DTX1: variants seen among roughly 807,000 people sequenced by gnomAD.
DTX1 encodes the protein E3 ubiquitin-protein ligase DTX1.
A neutral mutation model predicts 57.8 loss-of-function variants in DTX1; 26 were observed. The observed-to-expected ratio is 0.45, with a 90% CI of 0.33 to 0.62. The LOEUF (loss-of-function observed/expected upper bound fraction) is 0.62, where lower values mean the gene tolerates loss of function less well. Ranked by LOEUF, DTX1 falls within the 20% of genes least tolerant of loss-of-function variation. The pLI is 0.02. For synonymous variants in DTX1, 398 were observed against 394.1 expected, an observed-to-expected ratio of 1.01 and a Z score of -0.12; for missense variants, 704 against 895.3, an observed-to-expected ratio of 0.79 and a Z score of 2.73.
At chr12:113,096,450 AAAAAAAAAAAAAGAAAAAG>A (rs1950294720) in intron 9 of DTX1, among the ~76,000 whole-genome samples, 1 of 149,302 alleles carries the variant, frequency 6.7e-6, no homozygotes, top group Non-Finnish European at 1.5e-5. Flanking sequence ...AAAAAAAAAA[AAAAAAAAAAAAAGAAAAAG>A]AAAAAAAAGA....
intron 3 of DTX1, chr12:113,089,751 C>A (rs1190571522): frequency 2.6e-5 from 4 of 152,240 alleles, no homozygotes; most frequent in Non-Finnish European, 5.9e-5. Context: ...CACAGTGACA[C>A]CCCACTCACA....
chr12:113,082,657 G>A lies in DTX1; in HGVS notation c.941+4552G>A, dbSNP rs547670931. 9.9e-5 allele frequency among the ~76,000 whole-genome samples: 15 copies of A among 152,184 alleles called. No individual in the cohort carries two copies. The East Asian group carries it at 1.7e-3, about 18-fold the overall frequency. Reference sequence around the variant, plus strand: ...ATTGCCCAGGCTGGAGTACAGTGGCGCAATCACAGCTCCTGGCAGCCTGAA... The same window carrying A: ...ATTGCCCAGGCTGGAGTACAGTGGCACAATCACAGCTCCTGGCAGCCTGAA... On this transcript the variant is annotated intron_variant, in intron 3 of 9. Coordinates refer to ENST00000548759, the MANE Select transcript of DTX1 (RefSeq NM_004416.3).
chr12:113,080,484 C>G (rs1423806065), intron 3 of DTX1, among the ~76,000 whole-genome samples: 1 of 151,954 alleles, frequency 6.6e-6, no homozygotes, highest in Non-Finnish European at 1.5e-5. Flanking sequence ...AATTTGAGAA[C>G]CTTCTCTCTG....
chr12:113,064,147 C>T (rs968820594), intron 2 of DTX1, among the ~76,000 whole-genome samples: 3 of 152,200 alleles, frequency 2.0e-5, no homozygotes, highest in African/African-American at 7.2e-5. Context: ...TTACAGGACC[C>T]TTTGGGACCC....
intron 2 of DTX1, among the ~76,000 whole-genome samples, chr12:113,076,231 G>A (rs2044771366): frequency 6.6e-6 from 1 of 152,028 alleles, no homozygotes; most frequent in Non-Finnish European, 1.5e-5. Flanking sequence ...GGCTGAGGTG[G>A]GTGGATCACC....
At chr12:113,078,528 G>A (rs1211499282) in intron 3 of DTX1, among the ~76,000 whole-genome samples, 1 of 152,204 alleles carries the variant, frequency 6.6e-6, no homozygotes, top group East Asian at 1.9e-4. Context: ...GGAAACCGAG[G>A]CTAGGAGAGC....
intron 2 of DTX1, among the ~76,000 whole-genome samples, chr12:113,065,858 A>G (rs2136425181): frequency 6.6e-6 from 1 of 152,218 alleles, no homozygotes; most frequent in African/African-American, 2.4e-5. Flanking sequence ...CCAAGTGCCC[A>G]TTCAGGCAGT....
intron 2 of DTX1, among the ~76,000 whole-genome samples, chr12:113,070,278 G>A (rs1592844829): frequency 6.6e-6 from 1 of 152,360 alleles, no homozygotes; most frequent in East Asian, 1.9e-4. Context: ...AGGATTCAGT[G>A]AAGTCTCTGA....
At chr12:113,066,717 G>C (rs2044705952) in intron 2 of DTX1, among the ~76,000 whole-genome samples, 1 of 151,720 alleles carries the variant, frequency 6.6e-6, no homozygotes, top group East Asian at 1.9e-4. Flanking sequence ...CTGTGTGCCA[G>C]GCACTGTCCG....
intron 3 of DTX1, among the ~76,000 whole-genome samples, chr12:113,091,923 C>T (rs1018057028): frequency 6.6e-6 from 1 of 152,156 alleles, no homozygotes; most frequent in Admixed American, 6.5e-5. Context: ...GGGTTCCATG[C>T]CCATCAACAG....
intron 2 of DTX1, among the ~76,000 whole-genome samples, chr12:113,071,802 G>A (rs1480587842): frequency 2.0e-5 from 3 of 152,272 alleles, no homozygotes; most frequent in East Asian, 1.9e-4. Flanking sequence ...AGCGGCGGGC[G>A]CTGCGGGGTG....
At chr12:113,084,335 G>A (rs1219551191) in intron 3 of DTX1, among the ~76,000 whole-genome samples, 2 of 152,160 alleles carry the variant, frequency 1.3e-5, no homozygotes, top group South Asian at 2.1e-4. Flanking sequence ...GATAGCTGCG[G>A]GCCTATTTCC....
intron 3 of DTX1, among the ~76,000 whole-genome samples, chr12:113,083,116 G>C (rs1220230974): frequency 6.6e-6 from 1 of 152,124 alleles, no homozygotes; most frequent in Non-Finnish European, 1.5e-5. Context: ...ACCTGTCTGT[G>C]TCTTAATCTT....
intron 3 of DTX1, among the ~76,000 whole-genome samples, chr12:113,087,379 G>C (rs2136064314): frequency 6.6e-6 from 1 of 152,286 alleles, no homozygotes; most frequent in South Asian, 2.1e-4. Flanking sequence ...CCAGACAGCA[G>C]CTGAGGAGGA....
intron 3 of DTX1, among the ~76,000 whole-genome samples, chr12:113,086,695 A>G (rs2044860245): frequency 6.7e-6 from 1 of 149,250 alleles, no homozygotes; most frequent in South Asian, 2.1e-4. Flanking sequence ...TTATGCTTTT[A>G]TTTTTAAAAA....
At chr12:113,091,954 A>G (rs1950251568) in intron 3 of DTX1, among the ~76,000 whole-genome samples, 1 of 152,240 alleles carries the variant, frequency 6.6e-6, no homozygotes, top group Non-Finnish European at 1.5e-5. Flanking sequence ...GTTCCCCTGC[A>G]TAAACAGGTG....
At chr12:113,096,635 G>A in intron 9 of DTX1, 80 bp from the exon 10 acceptor site, 1 of 1,353,502 alleles carries the variant, frequency 7.4e-7, no homozygotes, top group Non-Finnish European at 1.0e-6. Flanking sequence ...ATGTGGCAGG[G>A]GAGGGAGGGA....
chr12:113,064,458 G>A (rs1160287760), intron 2 of DTX1, among the ~76,000 whole-genome samples: 1 of 152,196 alleles, frequency 6.6e-6, no homozygotes, highest in Non-Finnish European at 1.5e-5. Flanking sequence ...TCAGAGAGAA[G>A]GGCAAAATCC....
intron 2 of DTX1, among the ~76,000 whole-genome samples, chr12:113,069,115 T>G (rs553178736): frequency 6.6e-6 from 1 of 152,176 alleles, no homozygotes; most frequent in Non-Finnish European, 1.5e-5. Context: ...GCCTGGCACA[T>G]AGTAGGCCCT....
Sources: gnomAD v4.1 joint callset for allele counts (sites outside exome capture counted in the v4.1 genomes callset) on GRCh38, gnomAD v4.1.1 for gene constraint, MANE v1.5 for transcripts, NCBI Gene and HGNC (gene_info 2026-07-23, HGNC 2026-07-21) for gene names.